Variants in LPIN2 observed in about 807,000 individuals in gnomAD.
LPIN2 encodes phosphatidate phosphatase LPIN2.
Under a neutral mutation model 111.4 loss-of-function variants are expected in LPIN2, and 55 were observed. The ratio of observed to expected loss-of-function variants is 0.49; its 90% CI spans 0.40 to 0.62. LPIN2 has a LOEUF of 0.62. Among genes scored for constraint, LPIN2 ranks in the 20% least tolerant of loss-of-function variants. LPIN2 has a pLI of 0.00. For missense variants in LPIN2, 992 were observed against 1,112.1 expected, an observed-to-expected ratio of 0.89 and a Z score of 1.54; for synonymous variants, 425 against 414.0, an observed-to-expected ratio of 1.03 and a Z score of -0.32.
chr18:2,932,213 A>T (rs1006444172), intron 8 of LPIN2, among the ~76,000 whole-genome samples: 2 of 152,240 alleles, frequency 1.3e-5, no homozygotes, highest in Non-Finnish European at 2.9e-5. Context: ...CCCAATGCTT[A>T]CTACTCTATA....
At chr18:2,937,409 G>C (rs2077300788) in intron 7 of LPIN2, among the ~76,000 whole-genome samples, 1 of 151,880 alleles carries the variant, frequency 6.6e-6, no homozygotes, top group Non-Finnish European at 1.5e-5. Context: ...GCCGGGGATG[G>C]TGGTGTGTGC....
chr18:3,012,942 G>A (rs1181777565), intron 1 of LPIN2, 145 bp downstream of exon 1: 1 of 151,220 alleles, frequency 6.6e-6, no homozygotes, highest in East Asian at 1.9e-4. Context: ...GCGCGAGGAG[G>A]GGCGGCTCAA....
intron 1 of LPIN2, among the ~76,000 whole-genome samples, chr18:2,967,202 T>C (rs2077818684): frequency 6.6e-6 from 1 of 152,176 alleles, no homozygotes; most frequent in Non-Finnish European, 1.5e-5. Context: ...TAGAACCCAG[T>C]TCTACCTATA....
chr18:2,996,276 G>A (rs1002060972), intron 1 of LPIN2, among the ~76,000 whole-genome samples: 3 of 151,652 alleles, frequency 2.0e-5, no homozygotes, highest in Non-Finnish European at 2.9e-5. Flanking sequence ...GGAGTGGGAG[G>A]TTGCAGTGAG....
chr18:2,927,581 A>G (rs963674484), intron 12 of LPIN2, 141 bp downstream of exon 12: 41 of 803,254 alleles, frequency 5.1e-5, no homozygotes, highest in Non-Finnish European at 8.3e-5. Flanking sequence ...TGCACGTCCT[A>G]AGTGCTCAAA....
intron 1 of LPIN2, among the ~76,000 whole-genome samples, chr18:3,005,139 C>T (rs887157651): frequency 6.6e-6 from 1 of 152,210 alleles, no homozygotes; most frequent in South Asian, 2.1e-4. Context: ...CACTTGAGGT[C>T]AGGAGTTTGA....
chr18:2,931,551 A>AGAAC (rs1741143926), intron 8 of LPIN2, 108 bp from the exon 9 acceptor site: 1 of 1,028,266 alleles, frequency 9.7e-7, no homozygotes, highest in Non-Finnish European at 1.5e-6. Flanking sequence ...TCCGCTAAAA[A>AGAAC]GAACGGATGG....
chr18:3,004,983 C>G (rs9965612), intron 1 of LPIN2, among the ~76,000 whole-genome samples: 2 of 148,868 alleles, frequency 1.3e-5, no homozygotes, highest in Non-Finnish European at 2.9e-5. Context: ...ACATAAATAA[C>G]CCAGAGAAAC....
chr18:2,966,233 G>A (rs763402337), intron 1 of LPIN2, among the ~76,000 whole-genome samples: 1 of 152,150 alleles, frequency 6.6e-6, no homozygotes, highest in Non-Finnish European at 1.5e-5. Context: ...CACCACGACT[G>A]GCCTCAAAAT....
At chr18:2,985,613 C>CT (rs375308690) in intron 1 of LPIN2, among the ~76,000 whole-genome samples, 421 of 152,170 alleles carry the variant, frequency 2.8e-3, no homozygotes, top group Admixed American at 6.4e-3. Flanking sequence ...TATATACCTT[C>CT]TTTGTTTTTG....
At position 2,954,645 on chromosome 18, in the gene LPIN2, T is replaced by C. The variant is rs747543174; in HGVS notation, c.193-46A>G. 3 of 1,338,382 alleles carry C rather than the reference T, an allele frequency of 2.2e-6. No homozygotes were observed. In the African/African-American group the frequency reaches 4.3e-5, roughly 19 times the overall value. 82.9% of individuals were successfully genotyped at this position (1,338,382 alleles called of 1,614,324 possible). ...GACTTAATGTTCAAGGAGTCTTTCC[T>C]TCAAGTTAAACTAAACCAGAACTCT... On this transcript the variant is annotated intron_variant, in intron 2 of 19. Coordinates refer to ENST00000677752, the MANE Select transcript of LPIN2 (RefSeq NM_001375808.2).
chr18:2,991,370 G>T (rs2078262770), intron 1 of LPIN2, among the ~76,000 whole-genome samples: 1 of 152,204 alleles, frequency 6.6e-6, no homozygotes, highest in African/African-American at 2.4e-5. Flanking sequence ...CACTGTTGGT[G>T]AGAATGTCAA....
Position 2,918,748 on chromosome 18 carries a change from T to G in LPIN2, c.*1545A>C, listed in dbSNP as rs758682849. 1.3e-5 allele frequency: 2 copies of G among 152,188 alleles called. No individual in the cohort carries two copies. The highest frequency in any genetic ancestry group is 2.9e-5 in the Non-Finnish European group (2 of 68,040). 9.4% of individuals were successfully genotyped at this position (152,188 alleles called of 1,614,324 possible). ...AATGGCTGAAATCAGTCAGGGACTT[T>G]CAACTCTCCAATCTGGAAAAATAAC... On this transcript the variant is annotated 3_prime_UTR_variant, in exon 20 of 20. Coordinates refer to ENST00000677752, the MANE Select transcript of LPIN2 (RefSeq NM_001375808.2).
intron 1 of LPIN2, among the ~76,000 whole-genome samples, chr18:2,990,151 T>C (rs940688900): frequency 1.3e-5 from 2 of 152,124 alleles, no homozygotes; most frequent in African/African-American, 4.8e-5. Context: ...AACCCTACTT[T>C]ACACCATATT....
At chr18:2,982,605 C>T (rs1207163889) in intron 1 of LPIN2, 1 of 687,964 alleles carries the variant, frequency 1.5e-6, no homozygotes, top group African/African-American at 1.9e-5. Flanking sequence ...CCCCTTGTCT[C>T]TCAGTAGTGT....
intron 1 of LPIN2, among the ~76,000 whole-genome samples, chr18:2,996,467 CTTTTTTTTTTTTT>C (rs1179106649): frequency 0.022 from 1,842 of 85,014 alleles, 87 homozygotes; most frequent in African/African-American, 0.078. Flanking sequence ...AGGAAAATAT[CTTTTTTTTTTTTT>C]TTTTTTTTTT....
chr18:2,982,566 A>G (rs1764938445), intron 1 of LPIN2: 1 of 397,048 alleles, frequency 2.5e-6, no homozygotes, highest in South Asian at 2.1e-5. Context: ...AAGAAAGGGC[A>G]TTAGTCTTTT....
At chr18:2,952,595 G>A (rs1372554232) in intron 3 of LPIN2, among the ~76,000 whole-genome samples, 1 of 152,166 alleles carries the variant, frequency 6.6e-6, no homozygotes, top group Non-Finnish European at 1.5e-5. Flanking sequence ...GGAGAAATCT[G>A]TGTTCACCAG....
rs183588925 is a variant in LPIN2, at chr18:3,005,273, C to A, written c.-10+7814G>T. 7.3e-4 allele frequency among the ~76,000 whole-genome samples: 109 copies of A among 149,406 alleles called. 1 individual carries two copies. The highest frequency in any genetic ancestry group is 2.5e-3 in the African/African-American group (97 of 38,968). On this transcript the variant is annotated intron_variant, in intron 1 of 19. Coordinates refer to ENST00000677752, the MANE Select transcript of LPIN2 (RefSeq NM_001375808.2). ...GCCAAGGCAGGAGAATCGTTTAAAC[C>A]CAGGAGGTAGAGGCTGCAGCGAGCC...
Sources: gnomAD v4.1 joint callset for allele counts (sites outside exome capture counted in the v4.1 genomes callset) on GRCh38, gnomAD v4.1.1 for gene constraint, MANE v1.5 for transcripts, NCBI Gene and HGNC (gene_info 2026-07-23, HGNC 2026-07-21) for gene names.